The following PPP2R2B variants were observed in gnomAD, a reference collection of about 807,000 sequenced individuals.
PPP2R2B encodes serine/threonine-protein phosphatase 2A 55 kDa regulatory subunit B beta isoform.
A neutral mutation model predicts 46.0 loss-of-function variants in PPP2R2B; 5 were observed. The observed-to-expected ratio is 0.11, with a 90% confidence interval of 0.06 to 0.23. The LOEUF is 0.23. Among genes scored for constraint, PPP2R2B ranks in the 10% least tolerant of loss-of-function variants. The probability of loss-of-function intolerance (pLI) is 1.00; values close to 1 mark genes in which losing one functional copy is unlikely to be tolerated. For synonymous variants in PPP2R2B, 215 were observed against 206.7 expected (o/e 1.04, Z -0.34); for missense variants, 367 against 575.0 (o/e 0.64, Z 3.70).
At chr5:146,624,475 T>C (rs1200358462) in intron 7 of PPP2R2B, among the ~76,000 whole-genome samples, 1 of 152,128 alleles carries the variant, frequency 6.6e-6, no homozygotes, top group Non-Finnish European at 1.5e-5. Context: ...CCAAATCAAT[T>C]CAATCTCACC....
At chr5:146,930,901 T>C (rs1343090853) in intron 1 of PPP2R2B, among the ~76,000 whole-genome samples, 2 of 152,238 alleles carry the variant, frequency 1.3e-5, no homozygotes, top group African/African-American at 4.8e-5. Flanking sequence ...TCCAGGAGAA[T>C]GCTTAGCAAA....
intron 1 of PPP2R2B, among the ~76,000 whole-genome samples, chr5:147,003,690 G>A (rs1281453408): frequency 6.6e-6 from 1 of 152,108 alleles, no homozygotes; most frequent in African/African-American, 2.4e-5. Flanking sequence ...CTGGGACCTC[G>A]ACTCAGATCA....
intron 5 of PPP2R2B, among the ~76,000 whole-genome samples, chr5:146,664,778 G>C (rs551872602): frequency 6.6e-6 from 1 of 152,120 alleles, no homozygotes; most frequent in Non-Finnish European, 1.5e-5. Flanking sequence ...CTTTCAAAAC[G>C]TATTTCTCAA....
intron 7 of PPP2R2B, among the ~76,000 whole-genome samples, chr5:146,608,627 T>A (rs1772536830): frequency 2.0e-5 from 3 of 152,090 alleles, no homozygotes; most frequent in Non-Finnish European, 4.4e-5. Flanking sequence ...AAACCCCATC[T>A]CTACTAAAAA....
intron 7 of PPP2R2B, 142 bp from the exon 8 acceptor site, chr5:146,600,602 G>A: frequency 1.3e-6 from 1 of 777,224 alleles, no homozygotes; most frequent in East Asian, 2.7e-5. Context: ...TGCTAATAGA[G>A]AACTGTCATC....
rs1770100216 is a variant in PPP2R2B at position 146,585,338 on chromosome 5, C to T, written c.*4609G>A. ...TGGGGATAGTGGATAAGAACTTTAA[C>T]TAAAACTGCCTGGCTTTGTCACTTG... On this transcript the variant is annotated 3_prime_UTR_variant, in exon 10 of 10. Coordinates refer to ENST00000394411, the MANE Select transcript of PPP2R2B (RefSeq NM_181675.4). The T allele has an allele frequency of 6.6e-6, 1 of 150,422 alleles. No individual in the cohort carries two copies. Among genetic ancestry groups the T allele is most frequent in the South Asian group, 2.1e-4 (1 of 4,740 alleles). 9.3% of individuals were successfully genotyped at this position (150,422 alleles called of 1,614,324 possible).
At chr5:146,593,873 A>G (rs1000404129) in intron 8 of PPP2R2B, among the ~76,000 whole-genome samples, 3 of 152,194 alleles carry the variant, frequency 2.0e-5, no homozygotes, top group Admixed American at 6.5e-5. Flanking sequence ...CTGTGTTGCA[A>G]TGGATCCTAA....
chr5:146,837,582 A>G (rs997736052), intron 2 of PPP2R2B, among the ~76,000 whole-genome samples: 3 of 152,254 alleles, frequency 2.0e-5, no homozygotes, highest in Admixed American at 6.5e-5. Context: ...GCCACATTAA[A>G]AAGTAAAAAA....
intron 2 of PPP2R2B, among the ~76,000 whole-genome samples, chr5:146,788,000 C>G (rs565394832): frequency 6.6e-6 from 1 of 152,270 alleles, no homozygotes; most frequent in Admixed American, 6.5e-5. Flanking sequence ...GACAAACTGT[C>G]TTTCTCATGT....
chr5:146,942,761 A>C (rs1031890249), intron 1 of PPP2R2B, among the ~76,000 whole-genome samples: 1 of 151,472 alleles, frequency 6.6e-6, no homozygotes, highest in Non-Finnish European at 1.5e-5. Flanking sequence ...ATTCTAAATC[A>C]TGGCATTTCT....
At chr5:146,777,951 T>C (rs974949448) in intron 2 of PPP2R2B, among the ~76,000 whole-genome samples, 4 of 152,174 alleles carry the variant, frequency 2.6e-5, no homozygotes, top group African/African-American at 9.6e-5. Context: ...AAAAATTGTA[T>C]GGTAGCCCAG....
rs539122792 is a variant in PPP2R2B, at chr5:146,899,588, A to G, written c.79+156077T>C. ...ATGTATACATATGTAACTAACCTGC[A>G]CATTGTGCACATGTACCCTAAAACT... On this transcript the variant is annotated intron_variant, in intron 1 of 8. Transcript: ENST00000336640. Among the ~76,000 whole-genome samples the G allele has an allele frequency of 3.9e-5, 6 of 152,160 alleles. No homozygotes were observed. The South Asian group carries it at 1.2e-3, about 32-fold the overall frequency.
At chr5:146,615,515 T>TAAAAAAAAAAAAAAAAAAAAAAAAAAAC (rs1364774106) in intron 7 of PPP2R2B, among the ~76,000 whole-genome samples, 1 of 71,034 alleles carries the variant, frequency 1.4e-5, no homozygotes, top group South Asian at 4.6e-4. Context: ...AAAAAAAAAT[T>TAAAAAAAAAAAAAAAAAAAAAAAAAAAC]AAAAAAAAAA....
At chr5:146,907,053 G>A (rs1019147767) in intron 1 of PPP2R2B, among the ~76,000 whole-genome samples, 2 of 152,186 alleles carry the variant, frequency 1.3e-5, no homozygotes, top group Non-Finnish European at 2.9e-5. Flanking sequence ...CTCCTTGGCT[G>A]ATTGTGGTGA....
intron 2 of PPP2R2B, among the ~76,000 whole-genome samples, chr5:146,867,470 A>T (rs1309238544): frequency 1.3e-5 from 2 of 152,232 alleles, no homozygotes; most frequent in Non-Finnish European, 2.9e-5. Flanking sequence ...ATTGGTCCCA[A>T]ATGCATGGAG....
upstream of PPP2R2B, among the ~76,000 whole-genome samples, chr5:146,882,230 C>T (rs1221236055): frequency 1.3e-5 from 2 of 150,336 alleles, no homozygotes; most frequent in Non-Finnish European, 3.0e-5. Flanking sequence ...CGCACCACTG[C>T]ACTCCAGCCT....
intron 1 of PPP2R2B, among the ~76,000 whole-genome samples, chr5:146,964,125 C>T (rs190098699): frequency 1.3e-5 from 2 of 152,286 alleles, no homozygotes; most frequent in Admixed American, 1.3e-4. Flanking sequence ...CCTAAGTATG[C>T]TCCCCAAAAC....
At chr5:146,631,887 C>A (rs973150727) in intron 7 of PPP2R2B, among the ~76,000 whole-genome samples, 3 of 152,096 alleles carry the variant, frequency 2.0e-5, no homozygotes, top group African/African-American at 7.2e-5. Flanking sequence ...TGTGCAAGAG[C>A]CCTGTGTCCA....
intron 6 of PPP2R2B, among the ~76,000 whole-genome samples, chr5:146,641,619 A>T (rs1405962314): frequency 5.3e-5 from 8 of 150,270 alleles, no homozygotes; most frequent in Admixed American, 3.3e-4. Context: ...CATTTGAGAG[A>T]AGTCTAGTTG....
Sources: allele counts gnomAD v4.1 joint callset (sites outside exome capture counted in the v4.1 genomes callset), GRCh38; gene constraint gnomAD v4.1.1; transcripts MANE v1.5; gene names NCBI Gene and HGNC (gene_info 2026-07-23, HGNC 2026-07-21).